TEX9: variants seen among roughly 807,000 people sequenced by gnomAD.
The protein encoded by TEX9 is testis expressed 9, also known as testis-expressed protein 9.
Under a neutral mutation model 59.6 loss-of-function variants are expected in TEX9, and 74 were observed. That is an observed-to-expected ratio of 1.24 (90% confidence interval 1.03 to 1.51). The LOEUF is 1.51. TEX9 is among the 40% of genes most tolerant of loss of function. TEX9 has a pLI of 0.00. For synonymous variants in TEX9, 186 were observed against 152.2 expected, an observed-to-expected ratio of 1.22 and a Z score of -1.64; for missense variants, 522 against 447.8, an observed-to-expected ratio of 1.17 and a Z score of -1.49.
chr15:56,316,999 C>G (rs969389638), intron 1 of TEX9, among the ~76,000 whole-genome samples: 5 of 152,232 alleles, frequency 3.3e-5, no homozygotes, highest in African/African-American at 1.2e-4. Context: ...ATGCCTCGCC[C>G]TGCTTCTGCT....
intron 12 of TEX9, chr15:56,443,531 G>A: frequency 3.1e-6 from 5 of 1,588,912 alleles, no homozygotes; most frequent in Non-Finnish European, 4.3e-6. Flanking sequence ...TCTAATTTCT[G>A]TGTCAACTAT....
intron 1 of TEX9, among the ~76,000 whole-genome samples, chr15:56,319,014 C>G (rs1183283468): frequency 6.6e-6 from 1 of 151,992 alleles, no homozygotes; most frequent in Middle Eastern, 3.2e-3. Context: ...CTCTGTTTGC[C>G]TAGGTTTAGA....
chr15:56,312,016 T>C (rs1309881910), intron 1 of TEX9, among the ~76,000 whole-genome samples: 10 of 151,884 alleles, frequency 6.6e-5, no homozygotes, highest in African/African-American at 2.4e-4. Flanking sequence ...GTAAATTTGT[T>C]TGAGTTCACT....
Position 56,302,959 on chromosome 15 carries a change from G to A in TEX9, c.-107+58681G>A, listed in dbSNP as rs556102852. Reference sequence around the variant, plus strand: ...CTTCAGGCCAAAAACTATAAAAAAGGATGAAAGTCATTGTATAATTATAAA... The same window carrying A: ...CTTCAGGCCAAAAACTATAAAAAAGAATGAAAGTCATTGTATAATTATAAA... On this transcript the variant is annotated intron_variant, in intron 1 of 5. Transcript: ENST00000560827. Among the ~76,000 whole-genome samples, 170 of 152,260 alleles carry A rather than the reference G, an allele frequency of 1.1e-3. 1 individual carries two copies. Among genetic ancestry groups the A allele is most frequent in the African/African-American group, 3.8e-3 (156 of 41,568 alleles).
intron 1 of TEX9, among the ~76,000 whole-genome samples, chr15:56,333,117 C>A (rs1278517187): frequency 6.6e-6 from 1 of 152,114 alleles, no homozygotes; most frequent in African/African-American, 2.4e-5. Context: ...AACAATCATA[C>A]TCCAACTATT....
At chr15:56,309,805 G>A (rs2045568615) in intron 1 of TEX9, among the ~76,000 whole-genome samples, 1 of 146,648 alleles carries the variant, frequency 6.8e-6, no homozygotes, top group Admixed American at 7.0e-5. Flanking sequence ...GTGCAGAGGT[G>A]ACTGGGCTGT....
chr15:56,449,982 T>G (rs2050937280), downstream of TEX9, among the ~76,000 whole-genome samples: 1 of 152,188 alleles, frequency 6.6e-6, no homozygotes, highest in African/African-American at 2.4e-5. Flanking sequence ...TTTATTCACC[T>G]TTTTATGGCA....
intron 1 of TEX9, among the ~76,000 whole-genome samples, chr15:56,347,529 C>CA (rs34463156): frequency 0.045 from 6,658 of 147,204 alleles, 215 homozygotes; most frequent in Admixed American, 0.088. Flanking sequence ...AACCCATAGG[C>CA]AAAAAAAAAG....
chr15:56,438,571 G>A (rs1375408699), intron 12 of TEX9, among the ~76,000 whole-genome samples: 2 of 152,036 alleles, frequency 1.3e-5, no homozygotes, highest in African/African-American at 2.4e-5. Flanking sequence ...TACCATTCAG[G>A]ACATAGGCAT....
intron 10 of TEX9, among the ~76,000 whole-genome samples, chr15:56,418,344 C>T (rs1332998645): frequency 6.6e-6 from 1 of 151,774 alleles, no homozygotes; most frequent in African/African-American, 2.4e-5. Context: ...TTTAATGCTT[C>T]TTTCAAGAGC....
intron 1 of TEX9, among the ~76,000 whole-genome samples, chr15:56,298,362 A>G (rs1303307265): frequency 1.3e-5 from 2 of 152,196 alleles, no homozygotes; most frequent in African/African-American, 4.8e-5. Context: ...CTTAATAGAA[A>G]TATACTTTGA....
chr15:56,399,625 G>A (rs899075233), intron 9 of TEX9, among the ~76,000 whole-genome samples: 9 of 152,210 alleles, frequency 5.9e-5, no homozygotes, highest in Admixed American at 2.0e-4. Flanking sequence ...CCAGCATGGC[G>A]TTTGAGCTCT....
At chr15:56,359,024 AT>A (rs2046742603) in intron 1 of TEX9, among the ~76,000 whole-genome samples, 1 of 152,112 alleles carries the variant, frequency 6.6e-6, no homozygotes, top group Non-Finnish European at 1.5e-5. Flanking sequence ...AGTCTCAGGT[AT>A]TTTTTATAGC....
At chr15:56,416,732 T>C (rs1394087411) in intron 10 of TEX9, among the ~76,000 whole-genome samples, 1 of 151,800 alleles carries the variant, frequency 6.6e-6, no homozygotes, top group Non-Finnish European at 1.5e-5. Flanking sequence ...ATAGAATGAG[T>C]TGGGGAGGAG....
intron 3 of TEX9, among the ~76,000 whole-genome samples, chr15:56,375,430 A>G (rs1489466921): frequency 2.0e-5 from 3 of 151,796 alleles, no homozygotes; most frequent in Admixed American, 2.0e-4. Context: ...TTGTCAGATG[A>G]GTAGGTTGCG....
At chr15:56,304,541 A>G (rs1375241750) in intron 1 of TEX9, among the ~76,000 whole-genome samples, 1 of 152,180 alleles carries the variant, frequency 6.6e-6, no homozygotes, top group Non-Finnish European at 1.5e-5. Flanking sequence ...GATGTATCAC[A>G]TTGATTGATC....
intron 1 of TEX9, among the ~76,000 whole-genome samples, chr15:56,351,120 C>T (rs1488398750): frequency 6.6e-6 from 1 of 152,146 alleles, no homozygotes; most frequent in Non-Finnish European, 1.5e-5. Flanking sequence ...GGATGTTAAT[C>T]ATAATTCAAG....
intron 1 of TEX9, among the ~76,000 whole-genome samples, chr15:56,310,559 C>G (rs1466673138): frequency 3.9e-5 from 6 of 152,212 alleles, no homozygotes; most frequent in Non-Finnish European, 8.8e-5. Context: ...AGGACAGAAT[C>G]TTTGTCAACA....
chr15:56,413,272 A>ATT (rs1168476384), intron 10 of TEX9, among the ~76,000 whole-genome samples: 240 of 32,430 alleles, frequency 7.4e-3, no homozygotes, highest in South Asian at 0.019. Context: ...AAATAATTTA[A>ATT]TAATTAAATA....
Sources: allele counts gnomAD v4.1 joint callset (sites outside exome capture counted in the v4.1 genomes callset), GRCh38; gene constraint gnomAD v4.1.1; transcripts MANE v1.5; gene names NCBI Gene and HGNC (gene_info 2026-07-23, HGNC 2026-07-21).